The following CHRM3 variants were observed in gnomAD, a reference collection of about 807,000 sequenced individuals.
CHRM3 encodes cholinergic receptor muscarinic 3, also known as muscarinic acetylcholine receptor M3.
Under a neutral mutation model 41.8 loss-of-function variants are expected in CHRM3, and 11 were observed. The ratio of observed to expected loss-of-function variants is 0.26; its 90% CI spans 0.17 to 0.44. CHRM3 has a LOEUF of 0.44. Ranked by LOEUF, CHRM3 falls within the 20% of genes least tolerant of loss-of-function variation. The pLI is 1.00. For synonymous variants in CHRM3, 297 were observed against 301.4 expected (o/e 0.99, Z 0.15); for missense variants, 571 against 745.4 (o/e 0.77, Z 2.72).
At chr1:239,762,335 G>A (rs1666864935) in intron 5 of CHRM3, among the ~76,000 whole-genome samples, 1 of 152,144 alleles carries the variant, frequency 6.6e-6, no homozygotes, top group Non-Finnish European at 1.5e-5. Flanking sequence ...TGTGTTCTAT[G>A]TTAAGAGGTT....
intron 5 of CHRM3, among the ~76,000 whole-genome samples, chr1:239,764,698 G>A (rs1667061785): frequency 6.6e-6 from 1 of 152,176 alleles, no homozygotes; most frequent in Non-Finnish European, 1.5e-5. Flanking sequence ...CCAACTATGG[G>A]AAAATGAGCT....
intron 1 of CHRM3, among the ~76,000 whole-genome samples, chr1:239,446,674 A>G (rs1259594355): frequency 6.6e-6 from 1 of 152,204 alleles, no homozygotes; most frequent in African/African-American, 2.4e-5. Flanking sequence ...AATCTGTTGA[A>G]AAAACAACTT....
At chr1:239,618,707 G>C (rs1202542528) in intron 3 of CHRM3, among the ~76,000 whole-genome samples, 1 of 150,650 alleles carries the variant, frequency 6.6e-6, no homozygotes, top group African/African-American at 2.4e-5. Flanking sequence ...AGCTGGGCGT[G>C]GTGGCAGCCA....
chr1:239,895,931 C>T (rs1022545549), intron 6 of CHRM3, among the ~76,000 whole-genome samples: 38 of 152,166 alleles, frequency 2.5e-4, no homozygotes, highest in Non-Finnish European at 1.9e-4. Flanking sequence ...CATAATTTAC[C>T]TATGTAACAA....
intron 1 of CHRM3, among the ~76,000 whole-genome samples, chr1:239,467,127 G>A (rs1665788169): frequency 6.6e-6 from 1 of 152,012 alleles, no homozygotes; most frequent in African/African-American, 2.4e-5. Context: ...CGTACACTTA[G>A]CAGTTAAGAC....
At chr1:239,684,801 A>G (rs2149114161) in intron 5 of CHRM3, among the ~76,000 whole-genome samples, 3 of 152,102 alleles carry the variant, frequency 2.0e-5, no homozygotes, top group Admixed American at 2.0e-4. Flanking sequence ...AGAGAAGGAA[A>G]AGAAAAGAGA....
intron 2 of CHRM3, among the ~76,000 whole-genome samples, chr1:239,543,494 TCAGCAACCGA>T: frequency 6.6e-6 from 1 of 151,838 alleles, no homozygotes; most frequent in East Asian, 1.9e-4. Context: ...AGACCAGAAA[TCAGCAACCGA>T]TTTATTTTAT....
Position 239,617,267 on chromosome 1 carries a change from G to A in CHRM3, c.-312-14957G>A, listed in dbSNP as rs897423744. ...TATTTGAACACCATATCTCTTTCTC[G>A]AATATTGTGGAGCCCTCGGACATCC... On this transcript the variant is annotated intron_variant, in intron 3 of 6. Coordinates refer to ENST00000676153, the MANE Select transcript of CHRM3 (RefSeq NM_001375978.1). Among the ~76,000 whole-genome samples, 143 of 152,190 alleles carry A rather than the reference G, an allele frequency of 9.4e-4. 9 individuals carry two copies. The highest frequency in any genetic ancestry group is 2.4e-4 in the Non-Finnish European group (16 of 68,008).
In CHRM3 at chr1:239,725,695, G is replaced by A. The variant is rs537318584; in HGVS notation, c.-147+47407G>A. Reference sequence around the variant, plus strand: ...GATTGTTTAACCAACAGTAATGAAAGCTTTGCTGTCTAGCTAAACGCTTTA... The same window carrying A: ...GATTGTTTAACCAACAGTAATGAAAACTTTGCTGTCTAGCTAAACGCTTTA... On this transcript the variant is annotated intron_variant, in intron 5 of 6. Coordinates refer to ENST00000676153, the MANE Select transcript of CHRM3 (RefSeq NM_001375978.1). Among the ~76,000 whole-genome samples the A allele has an allele frequency of 1.8e-4, 28 of 152,020 alleles. No homozygotes were observed. The South Asian group carries it at 5.6e-3, about 30-fold the overall frequency.
rs577781507 is a variant in CHRM3 at position 239,889,976 on chromosome 1, C to T, written c.-19-17457C>T. Among the ~76,000 whole-genome samples the T allele has an allele frequency of 2.0e-5, 3 of 152,224 alleles. No individual in the cohort carries two copies. In the South Asian group the frequency reaches 6.2e-4, roughly 32 times the overall value. ...AAATGTATGAACATAACAATAATCA[C>T]ATGGTTAATGCCAGTCACAAGAGGA... is the stretch of plus-strand genomic sequence containing the variant. On this transcript the variant is annotated intron_variant, in intron 6 of 6. Coordinates refer to ENST00000676153, the MANE Select transcript of CHRM3 (RefSeq NM_001375978.1).
intron 5 of CHRM3, chr1:239,703,662 T>C (rs1368631440): frequency 6.6e-6 from 1 of 152,194 alleles, no homozygotes; most frequent in African/African-American, 2.4e-5. Context: ...CCTGTAAGAA[T>C]TGCTGAATCT....
intron 5 of CHRM3, among the ~76,000 whole-genome samples, chr1:239,813,338 G>A (rs909561842): frequency 9.9e-5 from 15 of 152,032 alleles, no homozygotes; most frequent in African/African-American, 3.4e-4. Context: ...TCAGAGATTC[G>A]TAGATGCAAG....
intron 5 of CHRM3, among the ~76,000 whole-genome samples, chr1:239,716,363 T>C (rs992952860): frequency 2.0e-5 from 3 of 152,046 alleles, no homozygotes; most frequent in Non-Finnish European, 4.4e-5. Flanking sequence ...GGGGTCTCCA[T>C]GATTGTGACT....
intron 1 of CHRM3, among the ~76,000 whole-genome samples, chr1:239,413,637 G>A (rs1661280244): frequency 6.6e-6 from 1 of 151,996 alleles, no homozygotes; most frequent in Admixed American, 6.6e-5. Flanking sequence ...ATGTTATTTT[G>A]GACAAAACTA....
intron 5 of CHRM3, among the ~76,000 whole-genome samples, chr1:239,769,669 G>A (rs1284301468): frequency 2.2e-4 from 33 of 151,380 alleles, no homozygotes; most frequent in Non-Finnish European, 1.5e-5. Flanking sequence ...ATCACCTGAA[G>A]TGAGGAGTTC....
rs1295541466 is a variant in CHRM3 at position 239,910,444 on chromosome 1, C to G, written c.*1220C>G. On this transcript the variant is annotated 3_prime_UTR_variant, in exon 7 of 7. Transcript: ENST00000676153. The stretch of plus-strand genomic sequence containing the variant: ...AAATAGGGCTTGCACCTTTGTTAAT[C>G]AGCTGTGGCCAGTGCTTTCTGGTGT... The G allele has an allele frequency of 6.0e-6, 1 of 166,416 alleles. No individual in the cohort carries two copies. The highest frequency in any genetic ancestry group is 1.5e-5 in the Non-Finnish European group (1 of 68,038). 10.3% of individuals were successfully genotyped at this position (166,416 alleles called of 1,614,324 possible). A position where few individuals can be genotyped will look rare whatever the true frequency, so the allele number is the denominator to read the frequency against.
intron 5 of CHRM3, among the ~76,000 whole-genome samples, chr1:239,791,696 A>G (rs548888560): frequency 6.6e-6 from 1 of 152,302 alleles, no homozygotes; most frequent in African/African-American, 2.4e-5. Flanking sequence ...TTGAGAAAAA[A>G]GAAAAGAAAA....
intron 2 of CHRM3, among the ~76,000 whole-genome samples, chr1:239,502,122 CAA>C (rs1294816199): frequency 6.6e-6 from 1 of 151,860 alleles, no homozygotes; most frequent in African/African-American, 2.4e-5. Context: ...AAGAAAAATA[CAA>C]AAGATACGTG....
At chr1:239,775,947 G>A (rs1002881975) in intron 5 of CHRM3, among the ~76,000 whole-genome samples, 6 of 152,172 alleles carry the variant, frequency 3.9e-5, no homozygotes, top group African/African-American at 2.4e-5. Flanking sequence ...TAACATTGTG[G>A]CATCTTGAAA....
Sources: allele counts gnomAD v4.1 joint callset (sites outside exome capture counted in the v4.1 genomes callset), GRCh38; gene constraint gnomAD v4.1.1; transcripts MANE v1.5; gene names NCBI Gene and HGNC (gene_info 2026-07-23, HGNC 2026-07-21).